Variants in USP34 observed in about 807,000 individuals in gnomAD.
The protein encoded by USP34 is ubiquitin specific peptidase 34, also known as ubiquitin carboxyl-terminal hydrolase 34.
A neutral mutation model predicts 460.3 loss-of-function variants in USP34; 70 were observed. That is an observed-to-expected ratio of 0.15 (90% confidence interval 0.13 to 0.19). USP34 has a LOEUF of 0.19. Among genes scored for constraint, USP34 ranks in the 10% least tolerant of loss-of-function variants. The pLI is 1.00. For synonymous variants in USP34, 1,647 were observed against 1,405.3 expected, an observed-to-expected ratio of 1.17 and a Z score of -3.85; for missense variants, 3,985 against 4,236.2, an observed-to-expected ratio of 0.94 and a Z score of 1.65.
intron 1 of USP34, among the ~76,000 whole-genome samples, chr2:61,437,675 A>G (rs1694850164): frequency 6.6e-6 from 1 of 152,084 alleles, no homozygotes. Flanking sequence ...CGGGAGGCTG[A>G]GGCAGGAGAA....
At chr2:61,351,377 A>T (rs1265655713) in intron 10 of USP34, among the ~76,000 whole-genome samples, 2 of 152,118 alleles carry the variant, frequency 1.3e-5, no homozygotes, top group African/African-American at 4.8e-5. Flanking sequence ...AGATACAAAG[A>T]CTTCTTTGTT....
chr2:61,317,509 A>G, intron 23 of USP34, 145 bp downstream of exon 23: 2 of 628,782 alleles, frequency 3.2e-6, no homozygotes, highest in Non-Finnish European at 5.4e-6. Flanking sequence ...CCTGAGCAAC[A>G]GAGATAGACT....
chr2:61,310,019 G>C (rs1033326860), intron 27 of USP34, among the ~76,000 whole-genome samples: 1 of 152,044 alleles, frequency 6.6e-6, no homozygotes, highest in Non-Finnish European at 1.5e-5. Flanking sequence ...ATACATGGAG[G>C]TAAGACTATA....
chr2:61,355,148 A>T (rs1438230635), intron 10 of USP34, among the ~76,000 whole-genome samples: 3 of 152,230 alleles, frequency 2.0e-5, no homozygotes, highest in Non-Finnish European at 4.4e-5. Flanking sequence ...TCATGTCTTC[A>T]AAAGTTCTGG....
intron 15 of USP34, 86 bp downstream of exon 15, chr2:61,347,784 T>C (rs1009719689): frequency 3.2e-6 from 5 of 1,544,290 alleles, no homozygotes; most frequent in Non-Finnish European, 2.6e-6. Flanking sequence ...ATAGCACTAA[T>C]ACAGAATAAA....
At chr2:61,210,002 A>G (rs1393812345) in intron 69 of USP34, among the ~76,000 whole-genome samples, 1 of 152,254 alleles carries the variant, frequency 6.6e-6, no homozygotes, top group Non-Finnish European at 1.5e-5. Context: ...GTTCAGCTAT[A>G]AAATGTGTGT....
At chr2:61,393,755 A>G (rs1693426842) in intron 5 of USP34, among the ~76,000 whole-genome samples, 1 of 152,250 alleles carries the variant, frequency 6.6e-6, no homozygotes, top group Non-Finnish European at 1.5e-5. Flanking sequence ...TGGTAAAGGT[A>G]CACTGAACTT....
At chr2:61,378,449 G>T in intron 7 of USP34, 25 bp from the exon 8 acceptor site, 1 of 1,547,478 alleles carries the variant, frequency 6.5e-7, no homozygotes, top group South Asian at 1.2e-5. Context: ...AAGAAATTAA[G>T]GGTTTTTATT....
At chr2:61,444,069 G>A (rs555963412) in intron 1 of USP34, among the ~76,000 whole-genome samples, 5 of 152,216 alleles carry the variant, frequency 3.3e-5, no homozygotes, top group East Asian at 1.9e-4. Context: ...GGCAACATAC[G>A]GAGACTTCAT....
Position 61,415,620 on chromosome 2 carries a change from A to T in USP34, c.131+5126T>A, listed in dbSNP as rs1694171891. Among the ~76,000 whole-genome samples the T allele has an allele frequency of 1.3e-5, 2 of 152,212 alleles. 1 individual carries two copies. Among genetic ancestry groups the T allele is most frequent in the South Asian group, 4.1e-4 (2 of 4,834 alleles). The stretch of plus-strand genomic sequence containing the variant: ...TGTATAGAGGTTAATATCAAAACCA[A>T]CATCTCAAAAAGCTGACAACAGAAA... On this transcript the variant is annotated intron_variant, in intron 2 of 79. Transcript: ENST00000398571.
Position 61,228,816 on chromosome 2 carries a change from T to G in USP34, c.7368+11A>C. 1 of 1,597,902 alleles carries G rather than the reference T, an allele frequency of 6.3e-7. No homozygotes were observed. The highest frequency in any genetic ancestry group is 8.5e-7 in the Non-Finnish European group (1 of 1,173,258). ...TAGATAATCAAAAAAATAGACAAGA[T>G]ATAGCCTCACCTCTTCTTCACCCAT... On this transcript the variant is annotated intron_variant, in intron 60 of 79. Coordinates refer to ENST00000398571, the MANE Select transcript of USP34 (RefSeq NM_014709.4).
At chr2:61,221,758 C>A in intron 65 of USP34, 152 bp from the exon 66 acceptor site, 2 of 600,644 alleles carry the variant, frequency 3.3e-6, no homozygotes, top group Non-Finnish European at 5.3e-6. Flanking sequence ...CCTGAACTAC[C>A]ATAAAGCAGC....
At chr2:61,463,394 A>C (rs1558610308) in intron 1 of USP34, among the ~76,000 whole-genome samples, 1 of 152,162 alleles carries the variant, frequency 6.6e-6, no homozygotes, top group Non-Finnish European at 1.5e-5. Context: ...TATACTTATT[A>C]CCACTTTTGA....
At position 61,221,600 on chromosome 2, in the gene USP34, T is replaced by G; in HGVS notation, c.7801A>C (p.Asn2601His). The change falls in exon 66 of 80, where the codon AAT (asparagine) becomes CAT (histidine). Residue 2601 changes from asparagine (N) to histidine (H), a missense_variant. Coordinates refer to ENST00000398571, the MANE Select transcript of USP34 (RefSeq NM_014709.4). ...ATAGTCAACAACTTAAAGAAAGGAT[T>G]GGCTGCCTGTAAAACACATACATGA... is the stretch of plus-strand genomic sequence containing the variant. ...SIAKLTPEAA[N>H]PFFKLLTMLM... 6.2e-7 allele frequency: 1 copy of G among 1,613,882 alleles called. No individual in the cohort carries two copies. The highest frequency in any genetic ancestry group is 8.5e-7 in the Non-Finnish European group (1 of 1,179,918).
Position 61,278,453 on chromosome 2 carries a change from A to G in USP34, c.5257-10T>C. On this transcript the variant is annotated splice_polypyrimidine_tract_variant and intron_variant, in intron 39 of 79. Coordinates refer to ENST00000398571, the MANE Select transcript of USP34 (RefSeq NM_014709.4). ...AGTCGAGGAGCGTTGTCTTAATACA[A>G]AAAGAAAATAAAAATTCAAATATAA... 6.7e-7 allele frequency: 1 copy of G among 1,502,768 alleles called. No individual in the cohort carries two copies. 93.1% of individuals were successfully genotyped at this position (1,502,768 alleles called of 1,614,324 possible).
intron 21 of USP34, among the ~76,000 whole-genome samples, chr2:61,324,226 C>T (rs1278530778): frequency 2.6e-5 from 4 of 152,208 alleles, no homozygotes; most frequent in South Asian, 2.1e-4. Context: ...TCGTTCCTCT[C>T]TTGTGAGACC....
intron 2 of USP34, among the ~76,000 whole-genome samples, chr2:61,411,197 CA>C (rs1415282429): frequency 6.6e-6 from 1 of 151,678 alleles, no homozygotes; most frequent in East Asian, 1.9e-4. Context: ...CTGGTCTAGG[CA>C]ACATAGTGAG....
chr2:61,351,046 G>C (rs954726578), intron 10 of USP34, among the ~76,000 whole-genome samples: 1 of 152,176 alleles, frequency 6.6e-6, no homozygotes, highest in African/African-American at 2.4e-5. Flanking sequence ...AACATAGTGA[G>C]ACCTCATCTC....
chr2:61,293,892 A>G (rs999795784), intron 32 of USP34, among the ~76,000 whole-genome samples: 5 of 151,954 alleles, frequency 3.3e-5, no homozygotes, highest in African/African-American at 1.2e-4. Flanking sequence ...GCTGGTGCCT[A>G]TAGTTTCAGC....
Sources: allele counts gnomAD v4.1 joint callset (sites outside exome capture counted in the v4.1 genomes callset), GRCh38; gene constraint gnomAD v4.1.1; transcripts MANE v1.5; gene names NCBI Gene and HGNC (gene_info 2026-07-23, HGNC 2026-07-21).